ENPP2: variants seen among roughly 807,000 people sequenced by gnomAD.
The protein encoded by ENPP2 is autotaxin.
Under a neutral mutation model 120.2 loss-of-function variants are expected in ENPP2, and 51 were observed. The ratio of observed to expected loss-of-function variants is 0.42; its 90% confidence interval spans 0.34 to 0.54. The LOEUF is 0.54. ENPP2 is among the 20% of genes least tolerant of loss of function. The pLI, the probability that ENPP2 is intolerant of heterozygous loss-of-function variation, is 0.04. For synonymous variants in ENPP2, 365 were observed against 366.4 expected (o/e 1.00, Z 0.04); for missense variants, 920 against 1,066.5 (o/e 0.86, Z 1.91).
chr8:119,648,429 A>G (rs1422469747), intron 1 of ENPP2, among the ~76,000 whole-genome samples: 2 of 152,220 alleles, frequency 1.3e-5, no homozygotes, highest in Non-Finnish European at 2.9e-5. Context: ...AGCAGCTCTT[A>G]TGTGGCAAAG....
chr8:119,586,663 G>A (rs1245934443), intron 14 of ENPP2, among the ~76,000 whole-genome samples: 1 of 151,974 alleles, frequency 6.6e-6, no homozygotes, highest in African/African-American at 2.4e-5. Context: ...AGGAGCACAT[G>A]GGTTTAGGCT....
chr8:119,599,360 T>C (rs1814122638), intron 11 of ENPP2, among the ~76,000 whole-genome samples: 1 of 152,166 alleles, frequency 6.6e-6, no homozygotes, highest in Non-Finnish European at 1.5e-5. Context: ...GCTGCAAGTA[T>C]TGTCAAAATA....
rs534952324 is a variant in ENPP2 at position 119,621,313 on chromosome 8, T to C, written c.418+81A>G. The C allele has an allele frequency of 9.5e-4, 1,206 of 1,270,328 alleles. 13 individuals are homozygous for C. Among genetic ancestry groups the C allele is most frequent in the South Asian group, 8.5e-3 (705 of 83,280 alleles). The allele number at this position is 1,270,328 out of a possible 1,614,324, so 78.7% of individuals were successfully genotyped here. ...TCCCAAACTCATATCCAGTGTGGTC[T>C]ATTCCTAGCATCCAGGATCTCCTGG... On this transcript the variant is annotated intron_variant, in intron 4 of 24. Coordinates refer to ENST00000075322, the MANE Select transcript of ENPP2 (RefSeq NM_001040092.3).
rs111684151 is a variant in ENPP2, at chr8:119,644,649, T to C, written c.22-6122A>G. 2.7e-3 allele frequency among the ~76,000 whole-genome samples: 241 copies of C among 87,894 alleles called. 1 individual carries two copies. Among genetic ancestry groups the C allele is most frequent in the African/African-American group, 9.2e-3 (169 of 18,354 alleles). 57.7% of individuals were successfully genotyped at this position (87,894 alleles called of 152,430 possible). A position where few individuals can be genotyped will look rare whatever the true frequency, so the allele number is the denominator to read the frequency against. ...ATACACACACACACACACACACACA[T>C]ATAGATATATATATATATATACACA... is the stretch of plus-strand genomic sequence containing the variant. On this transcript the variant is annotated intron_variant, in intron 1 of 25. Coordinates refer to the ENPP2 transcript ENST00000427067.
intron 8 of ENPP2, among the ~76,000 whole-genome samples, chr8:119,615,537 G>C (rs1483741656): frequency 6.6e-6 from 1 of 152,108 alleles, no homozygotes; most frequent in Non-Finnish European, 1.5e-5. Context: ...TTTCTGCCCA[G>C]TCATTTGATC....
intron 1 of ENPP2, among the ~76,000 whole-genome samples, chr8:119,647,366 A>C (rs1817501500): frequency 1.3e-5 from 2 of 152,110 alleles, no homozygotes; most frequent in Non-Finnish European, 2.9e-5. Flanking sequence ...TTATCCTTGC[A>C]CTACACAGAG....
At position 119,599,988 on chromosome 8, in the gene ENPP2, C is replaced by T. The variant is rs543484361; in HGVS notation, c.972+690G>A. 5.8e-5 allele frequency among the ~76,000 whole-genome samples: 8 copies of T among 138,340 alleles called. No individual in the cohort carries two copies. In the East Asian group the frequency reaches 1.5e-3, roughly 25 times the overall value. 90.8% of individuals were successfully genotyped at this position (138,340 alleles called of 152,430 possible). Reference sequence around the variant, plus strand: ...CACCACTGCACTCCAGCCTAGGTGACGGAGCAAGACTCTGTCTCAAAAAAA... The same window carrying T: ...CACCACTGCACTCCAGCCTAGGTGATGGAGCAAGACTCTGTCTCAAAAAAA... On this transcript the variant is annotated intron_variant, in intron 11 of 24. Transcript: ENST00000075322.
At chr8:119,638,903 C>A, upstream of ENPP2, 1 of 1,210,342 alleles carries the variant, frequency 8.3e-7, no homozygotes, top group Non-Finnish European at 1.2e-6. Context: ...TTGACAGACT[C>A]CTCTGATTTG....
chr8:119,557,225 C>T lies in ENPP2; in HGVS notation c.*296G>A, dbSNP rs1813539720. ...TACAGTACAGGACTAAATGTGGCAA[C>T]TGTGCATTGGAAAATTAATATTTCC... is the stretch of plus-strand genomic sequence containing the variant. On this transcript the variant is annotated 3_prime_UTR_variant, in exon 25 of 25. Coordinates refer to ENST00000075322, the MANE Select transcript of ENPP2 (RefSeq NM_001040092.3). The T allele has an allele frequency of 9.9e-6, 3 of 304,482 alleles. No individual in the cohort carries two copies. The highest frequency in any genetic ancestry group is 6.1e-6 in the Non-Finnish European group (1 of 164,090). The allele number at this position is 304,482 out of a possible 1,614,324, so 18.9% of individuals were successfully genotyped here. A position where few individuals can be genotyped will look rare whatever the true frequency, so the allele number is the denominator to read the frequency against.
At chr8:119,608,252 CTCTT>C (rs1814860346) in intron 8 of ENPP2, among the ~76,000 whole-genome samples, 1 of 152,222 alleles carries the variant, frequency 6.6e-6, no homozygotes, top group Non-Finnish European at 1.5e-5. Context: ...AAAAGCCTCT[CTCTT>C]CTGTACCTGT....
Position 119,562,898 on chromosome 8 carries a change from A to C in ENPP2, c.2380T>G (p.Phe794Val). ...KCDGPLSVSS[F>V]ILPHRPDNEE... Reference sequence around the variant, plus strand: ...TTGTCAGGCCGGTGAGGCAGGATGAAGGAGGACACAGAGAGAGGGCCGTCA... The same window carrying C: ...TTGTCAGGCCGGTGAGGCAGGATGACGGAGGACACAGAGAGAGGGCCGTCA... The change falls in exon 24 of 25, where the codon TTC becomes GTC. Residue 794 changes from phenylalanine (F) to valine (V), a missense_variant. Physicochemically the swap from Phe to Val is conservative, Grantham distance 50. Coordinates refer to ENST00000075322, the MANE Select transcript of ENPP2 (RefSeq NM_001040092.3). 6.2e-7 allele frequency: 1 copy of C among 1,614,176 alleles called. No individual in the cohort carries two copies. Among genetic ancestry groups the C allele is most frequent in the Non-Finnish European group, 8.5e-7 (1 of 1,180,016 alleles).
intron 3 of ENPP2, among the ~76,000 whole-genome samples, chr8:119,625,101 T>C (rs751016859): frequency 4.6e-5 from 7 of 152,176 alleles, no homozygotes; most frequent in Non-Finnish European, 1.0e-4. Flanking sequence ...AGAAGTTTGA[T>C]ATGACATGCC....
At chr8:119,567,528 G>T (rs1230264637) in intron 22 of ENPP2, among the ~76,000 whole-genome samples, 4 of 152,170 alleles carry the variant, frequency 2.6e-5, no homozygotes, top group Admixed American at 2.6e-4. Flanking sequence ...GACTTCACCA[G>T]CATCCACAAA....
At chr8:119,625,893 A>C (rs1816239455) in intron 3 of ENPP2, among the ~76,000 whole-genome samples, 1 of 152,210 alleles carries the variant, frequency 6.6e-6, no homozygotes, top group African/African-American at 2.4e-5. Context: ...AAAAGTGTGG[A>C]GGAAGATTTT....
chr8:119,622,036 A>C (rs1587505905), intron 3 of ENPP2, among the ~76,000 whole-genome samples: 2 of 152,020 alleles, frequency 1.3e-5, no homozygotes, highest in African/African-American at 4.8e-5. Context: ...TCAAGCGATT[A>C]TCCCGCCTCA....
At chr8:119,644,114 A>G (rs1364457011) in intron 1 of ENPP2, among the ~76,000 whole-genome samples, 1 of 152,120 alleles carries the variant, frequency 6.6e-6, no homozygotes, top group Non-Finnish European at 1.5e-5. Flanking sequence ...CTTTACCCTA[A>G]AGGCAACAAA....
intron 19 of ENPP2, 179 bp from the exon 20 acceptor site, chr8:119,571,020 C>T (rs1248563789): frequency 2.4e-6 from 1 of 416,358 alleles, no homozygotes; most frequent in African/African-American, 2.1e-5. Flanking sequence ...GATCTGATCA[C>T]CTAACCATGG....
intron 8 of ENPP2, among the ~76,000 whole-genome samples, chr8:119,614,976 T>C (rs574868561): frequency 6.6e-6 from 1 of 152,278 alleles, no homozygotes; most frequent in South Asian, 2.1e-4. Flanking sequence ...CAATGTTTAT[T>C]TTTTTAATAA....
At chr8:119,561,416 C>T (rs1813918120) in intron 24 of ENPP2, among the ~76,000 whole-genome samples, 1 of 152,208 alleles carries the variant, frequency 6.6e-6, no homozygotes, top group African/African-American at 2.4e-5. Context: ...TTGAGTAGTA[C>T]TTGTTGACTA....
Sources: gnomAD v4.1 joint callset for allele counts (sites outside exome capture counted in the v4.1 genomes callset) on GRCh38, gnomAD v4.1.1 for gene constraint, MANE v1.5 for transcripts, NCBI Gene and HGNC (gene_info 2026-07-23, HGNC 2026-07-21) for gene names.